Variants in GMDS observed in about 807,000 individuals in gnomAD.
GMDS encodes GDP-mannose 4,6-dehydratase.
A neutral mutation model predicts 49.9 loss-of-function variants in GMDS; 20 were observed. That is an observed-to-expected ratio of 0.40 (90% confidence interval 0.28 to 0.58). The LOEUF is 0.58. Among genes scored for constraint, GMDS ranks in the 20% least tolerant of loss-of-function variants. The pLI is 0.42. For missense variants in GMDS, 362 were observed against 481.4 expected (o/e 0.75, Z 2.32); for synonymous variants, 177 against 178.6 (o/e 0.99, Z 0.07).
chr6:2,086,966 T>C (rs183809867), intron 4 of GMDS, among the ~76,000 whole-genome samples: 1 of 152,356 alleles, frequency 6.6e-6, no homozygotes, highest in Admixed American at 6.5e-5. Context: ...AAAATCACAA[T>C]ATTGCTCCAA....
intron 7 of GMDS, among the ~76,000 whole-genome samples, chr6:1,813,898 A>G (rs904291893): frequency 2.0e-5 from 3 of 152,242 alleles, no homozygotes; most frequent in African/African-American, 7.2e-5. Context: ...TAACATAAAC[A>G]GTAATATTCG....
At chr6:1,919,444 C>T (rs916849901) in intron 7 of GMDS, among the ~76,000 whole-genome samples, 7 of 152,204 alleles carry the variant, frequency 4.6e-5, no homozygotes, top group South Asian at 2.1e-4. Flanking sequence ...AATGTAAAGA[C>T]AATTTCTCAA....
chr6:1,703,906 C>T (rs1219110497), intron 9 of GMDS, among the ~76,000 whole-genome samples: 1 of 152,216 alleles, frequency 6.6e-6, no homozygotes, highest in Non-Finnish European at 1.5e-5. Context: ...TTTTCCTTTT[C>T]TTTCACCTTC....
intron 7 of GMDS, among the ~76,000 whole-genome samples, chr6:1,928,350 C>A (rs535301747): frequency 6.8e-6 from 1 of 146,706 alleles, no homozygotes. Flanking sequence ...GGCAACAGAG[C>A]GAGACTCTGC....
intron 4 of GMDS, among the ~76,000 whole-genome samples, chr6:2,030,108 TG>T (rs1409775711): frequency 6.6e-6 from 1 of 152,198 alleles, no homozygotes; most frequent in African/African-American, 2.4e-5. Context: ...ACACAGCCCA[TG>T]TGGTTCCCAC....
chr6:2,189,644 T>C (rs6903393), intron 1 of GMDS, among the ~76,000 whole-genome samples: 4 of 152,152 alleles, frequency 2.6e-5, no homozygotes, highest in African/African-American at 9.7e-5. Flanking sequence ...TGAATATACA[T>C]CCAGAGCATT....
rs111776149 is a variant in GMDS, at chr6:1,655,969, C to A, written c.988-31429G>T. 6.4e-3 allele frequency among the ~76,000 whole-genome samples: 973 copies of A among 152,310 alleles called. 3 individuals carry two copies. Among genetic ancestry groups the A allele is most frequent in the African/African-American group, 0.023 (937 of 41,556 alleles). On this transcript the variant is annotated intron_variant, in intron 9 of 10. Transcript: ENST00000380815. ...ACATTGTGATGTCACGCACACCCCA[C>A]AGCCAGGTCATACATGTGGAGGCTG...
At chr6:2,195,217 T>C (rs1459069393) in intron 1 of GMDS, among the ~76,000 whole-genome samples, 2 of 152,144 alleles carry the variant, frequency 1.3e-5, no homozygotes, top group Non-Finnish European at 2.9e-5. Flanking sequence ...TCTTCTTCTG[T>C]AGAAGCGATA....
intron 4 of GMDS, among the ~76,000 whole-genome samples, chr6:2,026,101 A>C (rs1480749248): frequency 6.6e-6 from 1 of 152,162 alleles, no homozygotes; most frequent in African/African-American, 2.4e-5. Flanking sequence ...CTCTAAGAAC[A>C]ATTACTTTAG....
intron 9 of GMDS, among the ~76,000 whole-genome samples, chr6:1,701,225 C>T (rs1765533354): frequency 6.6e-6 from 1 of 152,166 alleles, no homozygotes; most frequent in South Asian, 2.1e-4. Flanking sequence ...GTTAAGCTTT[C>T]ATTTATAATT....
intron 9 of GMDS, among the ~76,000 whole-genome samples, chr6:1,688,547 G>A (rs1272731933): frequency 2.6e-5 from 4 of 152,138 alleles, no homozygotes; most frequent in South Asian, 2.1e-4. Context: ...ACCTCTCCAC[G>A]CTCTTCAAAG....
In GMDS at chr6:1,640,876, G is replaced by T. The variant is rs532122503; in HGVS notation, c.988-16336C>A. Among the ~76,000 whole-genome samples the T allele has an allele frequency of 6.6e-6, 1 of 152,318 alleles. No individual in the cohort carries two copies. The highest frequency in any genetic ancestry group is 2.4e-5 in the African/African-American group (1 of 41,570). On this transcript the variant is annotated intron_variant, in intron 9 of 10. Transcript: ENST00000380815. The surrounding 1 kb of genome is among the most constrained non-coding windows in gnomAD (Gnocchi z 4.0). ...GGCAGAGTTATGATTGACAGTGGGG[G>T]CTGCCCTGGGTAAAGCTTGAGGTGG...
At chr6:1,763,699 A>G (rs1279163547) in intron 7 of GMDS, among the ~76,000 whole-genome samples, 1 of 152,250 alleles carries the variant, frequency 6.6e-6, no homozygotes, top group Non-Finnish European at 1.5e-5. Context: ...CCCAGGGGGA[A>G]CAATGGGACA....
chr6:2,013,959 T>C (rs1472100746), intron 4 of GMDS, among the ~76,000 whole-genome samples: 2 of 125,224 alleles, frequency 1.6e-5, no homozygotes, highest in Non-Finnish European at 3.4e-5. Context: ...TATATATATA[T>C]GCATATCATA....
chr6:1,801,487 A>G (rs1196667001), intron 7 of GMDS, among the ~76,000 whole-genome samples: 3 of 152,284 alleles, frequency 2.0e-5, no homozygotes, highest in Non-Finnish European at 4.4e-5. Flanking sequence ...TTATAGCTGT[A>G]TAAAGCTGTC....
At chr6:1,847,143 C>T (rs1757448786) in intron 7 of GMDS, among the ~76,000 whole-genome samples, 4 of 152,044 alleles carry the variant, frequency 2.6e-5, no homozygotes, top group Admixed American at 2.0e-4. Flanking sequence ...TGCAGTCTAC[C>T]ACTCCTGGGC....
Position 2,151,429 on chromosome 6 carries a change from T to C in GMDS, c.103-26698A>G, listed in dbSNP as rs112544399. ...TGTAAATATGAATTGGAGTGAATTC[T>C]GAGTAAATAAAATTTACAATACATG... On this transcript the variant is annotated intron_variant, in intron 1 of 10. Coordinates refer to ENST00000380815, the MANE Select transcript of GMDS (RefSeq NM_001500.4). Among the ~76,000 whole-genome samples the C allele has an allele frequency of 5.4e-3, 826 of 152,254 alleles. 4 individuals are homozygous for C. Among genetic ancestry groups the C allele is most frequent in the Non-Finnish European group, 8.5e-3 (575 of 67,942 alleles).
chr6:2,139,973 C>G (rs1562091336), intron 1 of GMDS, among the ~76,000 whole-genome samples: 1 of 152,108 alleles, frequency 6.6e-6, no homozygotes, highest in Admixed American at 6.6e-5. Context: ...AGTAGGTGTG[C>G]GAAGCGCGAG....
At chr6:2,034,558 G>A (rs915213467) in intron 4 of GMDS, among the ~76,000 whole-genome samples, 2 of 152,128 alleles carry the variant, frequency 1.3e-5, no homozygotes, top group Non-Finnish European at 2.9e-5. Context: ...ATGGTATGTG[G>A]ATTTTAATGT....
Sources: allele counts gnomAD v4.1 joint callset (sites outside exome capture counted in the v4.1 genomes callset), GRCh38; gene constraint gnomAD v4.1.1; non-coding constraint Gnocchi (gnomAD v3.1); transcripts MANE v1.5; gene names NCBI Gene and HGNC (gene_info 2026-07-23, HGNC 2026-07-21).